Variants in PARD3B observed in about 807,000 individuals in gnomAD.
PARD3B encodes the protein partitioning defective 3 homolog B.
Under a neutral mutation model 130.2 loss-of-function variants are expected in PARD3B, and 103 were observed. The observed-to-expected ratio is 0.79, with a 90% CI of 0.67 to 0.93. The LOEUF (loss-of-function observed/expected upper bound fraction) is 0.93, where lower values mean the gene tolerates loss of function less well. Ranked by LOEUF, PARD3B falls within the 40% of genes least tolerant of loss-of-function variation. The pLI is 0.00. For missense variants in PARD3B, 1,609 were observed against 1,499.2 expected, an observed-to-expected ratio of 1.07 and a Z score of -1.21; for synonymous variants, 583 against 553.2, an observed-to-expected ratio of 1.05 and a Z score of -0.76.
At chr2:204,969,120 T>C (rs1412133763) in intron 3 of PARD3B, among the ~76,000 whole-genome samples, 1 of 152,164 alleles carries the variant, frequency 6.6e-6, no homozygotes, top group Non-Finnish European at 1.5e-5. Context: ...AATGATGAGA[T>C]GTGGTAACCA....
intron 2 of PARD3B, among the ~76,000 whole-genome samples, chr2:204,717,275 A>T (rs2038775993): frequency 6.6e-6 from 1 of 152,222 alleles, no homozygotes; most frequent in African/African-American, 2.4e-5. Context: ...GCTTAATATT[A>T]AAATATTTTT....
chr2:205,063,013 T>G (rs1700148306), intron 4 of PARD3B, among the ~76,000 whole-genome samples: 1 of 152,074 alleles, frequency 6.6e-6, no homozygotes, highest in African/African-American at 2.4e-5. Flanking sequence ...AATTATTGTA[T>G]TATTAATTAA....
At chr2:205,156,065 T>C (rs1436740959) in intron 10 of PARD3B, among the ~76,000 whole-genome samples, 3 of 152,000 alleles carry the variant, frequency 2.0e-5, no homozygotes, top group East Asian at 1.9e-4. Flanking sequence ...ATATACACCA[T>C]GGAATACTAT....
chr2:205,095,540 G>C (rs1702344723), intron 4 of PARD3B, among the ~76,000 whole-genome samples: 1 of 152,028 alleles, frequency 6.6e-6, no homozygotes, highest in Non-Finnish European at 1.5e-5. Context: ...GATTAGCAGA[G>C]CAGATGAAAT....
In PARD3B at chr2:205,148,217, A is replaced by G. The variant is rs183639928; in HGVS notation, c.1435-10505A>G. The stretch of plus-strand genomic sequence containing the variant: ...AGAGGGTGAAATACTTTAAAAGATC[A>G]TCTACATACTTGTAAATCACCAAGA... On this transcript the variant is annotated intron_variant, in intron 10 of 22. Transcript: ENST00000406610. 1.4e-3 allele frequency among the ~76,000 whole-genome samples: 209 copies of G among 152,290 alleles called. 2 individuals are homozygous for G. The highest frequency in any genetic ancestry group is 3.4e-3 in the Middle Eastern group (1 of 294).
intron 6 of PARD3B, among the ~76,000 whole-genome samples, chr2:205,115,694 C>T (rs921838477): frequency 3.3e-5 from 5 of 152,060 alleles, no homozygotes; most frequent in Admixed American, 6.5e-5. Flanking sequence ...TGAAACAGCA[C>T]GCTTAACTCA....
intron 2 of PARD3B, among the ~76,000 whole-genome samples, chr2:204,753,570 G>A (rs921854532): frequency 1.3e-5 from 2 of 151,984 alleles, no homozygotes; most frequent in African/African-American, 4.8e-5. Flanking sequence ...GAAGACCCAT[G>A]GCCTAGTTCC....
intron 1 of PARD3B, among the ~76,000 whole-genome samples, chr2:204,549,903 T>G (rs2030315850): frequency 6.8e-6 from 1 of 146,618 alleles, no homozygotes; most frequent in African/African-American, 2.4e-5. Flanking sequence ...AAATGAATTT[T>G]GACATTTCTG....
chr2:205,132,042 C>T (rs1326679184), intron 10 of PARD3B, among the ~76,000 whole-genome samples: 1 of 152,104 alleles, frequency 6.6e-6, no homozygotes, highest in Non-Finnish European at 1.5e-5. Flanking sequence ...AGTGTCTACC[C>T]AAGAGACTAG....
In PARD3B at chr2:205,440,431, A is replaced by T; in HGVS notation, c.2803A>T (p.Thr935Ser). 6.2e-7 allele frequency: 1 copy of T among 1,614,100 alleles called. No homozygotes were observed. The highest frequency in any genetic ancestry group is 1.1e-5 in the South Asian group (1 of 91,078). The change falls in exon 20 of 23, where the codon ACT becomes TCT. Residue 935 changes from threonine to serine, a missense_variant. Transcript: ENST00000406610. The surrounding 1 kb of genome is among the most constrained non-coding windows in gnomAD (Gnocchi z 4.2). ...GGCAAGAGGTCTTCTTGATTATGCT[A>T]CTGGTGCAATTGGATCAGTGTATGA... ...KQARGLLDYA[T>S]GAIGSVYDMD...
chr2:204,967,956 T>C lies in PARD3B; in HGVS notation c.394+2633T>C, dbSNP rs1401601029. ...TTTTGCAGCACCTGTGCCCCAGCAG[T>C]TCCTCCTAACAGGGTGCTCATGAAA... is the stretch of plus-strand genomic sequence containing the variant. On this transcript the variant is annotated intron_variant, in intron 3 of 22. Coordinates refer to ENST00000406610, the MANE Select transcript of PARD3B (RefSeq NM_001302769.2). The surrounding 1 kb of genome is among the most constrained non-coding windows in gnomAD (Gnocchi z 4.4). Among the ~76,000 whole-genome samples, 1 of 152,094 alleles carries C rather than the reference T, an allele frequency of 6.6e-6. No individual in the cohort carries two copies. The highest frequency in any genetic ancestry group is 2.4e-5 in the African/African-American group (1 of 41,422).
intron 20 of PARD3B, among the ~76,000 whole-genome samples, chr2:205,476,710 A>G (rs2106274828): frequency 6.6e-6 from 1 of 152,242 alleles, no homozygotes; most frequent in Non-Finnish European, 1.5e-5. Context: ...AATACTTTGA[A>G]AGTAAAGTTT....
intron 1 of PARD3B, among the ~76,000 whole-genome samples, chr2:204,682,657 G>A (rs929427595): frequency 6.6e-6 from 1 of 152,098 alleles, no homozygotes; most frequent in African/African-American, 2.4e-5. Context: ...TCCAAAAATC[G>A]GCTTTTCCTT....
intron 2 of PARD3B, among the ~76,000 whole-genome samples, chr2:204,786,554 A>G (rs2042016654): frequency 6.6e-6 from 1 of 151,824 alleles, no homozygotes; most frequent in African/African-American, 2.4e-5. Context: ...ACAATCTGAA[A>G]AATTCCTGCA....
chr2:205,103,624 A>G (rs1356232279), intron 4 of PARD3B: 7 of 780,456 alleles, frequency 9.0e-6, no homozygotes, highest in Non-Finnish European at 1.1e-5. Flanking sequence ...ACGTGTAACA[A>G]TAGTTTATTG....
intron 2 of PARD3B, among the ~76,000 whole-genome samples, chr2:204,956,607 T>G (rs1690260616): frequency 6.6e-6 from 1 of 151,860 alleles, no homozygotes; most frequent in South Asian, 2.1e-4. Flanking sequence ...CCCAAGATAG[T>G]CAAAGCCCTT....
chr2:205,131,336 A>G (rs751505511), intron 10 of PARD3B, among the ~76,000 whole-genome samples: 7 of 152,202 alleles, frequency 4.6e-5, no homozygotes, highest in Non-Finnish European at 7.4e-5. Flanking sequence ...GTATTCTCCA[A>G]GTAACACAGT....
chr2:205,483,925 T>A (rs1161720122), intron 20 of PARD3B, among the ~76,000 whole-genome samples: 1 of 152,190 alleles, frequency 6.6e-6, no homozygotes, highest in Non-Finnish European at 1.5e-5. Flanking sequence ...CCTCCTTTCA[T>A]CTTAATATGG....
chr2:205,342,957 A>G (rs1449043301), intron 18 of PARD3B, among the ~76,000 whole-genome samples: 1 of 152,160 alleles, frequency 6.6e-6, no homozygotes, highest in Non-Finnish European at 1.5e-5. Flanking sequence ...CTTTGTCCTC[A>G]AAAGCTTTTA....
Sources: allele counts gnomAD v4.1 joint callset (sites outside exome capture counted in the v4.1 genomes callset), GRCh38; gene constraint gnomAD v4.1.1; non-coding constraint Gnocchi (gnomAD v3.1); transcripts MANE v1.5; gene names NCBI Gene and HGNC (gene_info 2026-07-23, HGNC 2026-07-21).